The following SLC22A3 variants were observed in gnomAD, a reference collection of about 807,000 sequenced individuals.
SLC22A3 encodes solute carrier family 22 member 3, also known as EMT organic cation transporter 3.
In SLC22A3, 51 loss-of-function variants were observed where a neutral mutation model predicts 59.1. The observed-to-expected ratio is 0.86, with a 90% CI of 0.69 to 1.09. The LOEUF is 1.09. Ranked by LOEUF, SLC22A3 falls within the 50% of genes least tolerant of loss-of-function variation. SLC22A3 has a pLI of 0.00. For missense variants in SLC22A3, 711 were observed against 726.3 expected, an observed-to-expected ratio of 0.98 and a Z score of 0.24; for synonymous variants, 325 against 292.0, an observed-to-expected ratio of 1.11 and a Z score of -1.15.
intron 1 of SLC22A3, among the ~76,000 whole-genome samples, chr6:160,390,161 A>G (rs912414627): frequency 1.3e-5 from 2 of 152,360 alleles, no homozygotes; most frequent in Middle Eastern, 3.4e-3. Flanking sequence ...TCAGATGGCT[A>G]TGATCCACTT....
intron 1 of SLC22A3, among the ~76,000 whole-genome samples, chr6:160,381,623 G>C (rs886100085): frequency 4.6e-5 from 7 of 152,178 alleles, no homozygotes; most frequent in African/African-American, 1.7e-4. Flanking sequence ...GAAGTGGAAT[G>C]TAAACTCGTT....
rs1452682622 is a variant in SLC22A3, at chr6:160,398,055, C to T, written c.506C>T (p.Ala169Val). The change falls in exon 2 of 11, where the codon GCA (alanine) becomes GTA (valine). Residue 169 changes from alanine (A) to valine (V), a missense_variant. Coordinates refer to ENST00000275300, the MANE Select transcript of SLC22A3 (RefSeq NM_021977.4). ...CTGAACCTCGGCTTCCTGACTGGAG[C>T]ATTCACCTTAGGCTATGCAGCAGAC... ...AILNLGFLTGAFTLGYAADRY... is the reference protein window; with the variant it reads ...AILNLGFLTGVFTLGYAADRY... The T allele has an allele frequency of 8.1e-6, 13 of 1,613,602 alleles. No homozygotes were observed. Among genetic ancestry groups the T allele is most frequent in the Non-Finnish European group, 8.5e-7 (1 of 1,179,652 alleles).
intron 1 of SLC22A3, among the ~76,000 whole-genome samples, chr6:160,382,752 G>A (rs922428721): frequency 5.9e-5 from 9 of 152,088 alleles, no homozygotes; most frequent in Admixed American, 5.9e-4. Context: ...AGACTTCAAA[G>A]CACCTATTGT....
intron 1 of SLC22A3, among the ~76,000 whole-genome samples, chr6:160,358,636 A>G (rs748427277): frequency 9.9e-5 from 15 of 152,166 alleles, no homozygotes; most frequent in Non-Finnish European, 1.8e-4. Flanking sequence ...AGAGTGAACA[A>G]TCCCCCCATC....
intron 1 of SLC22A3, among the ~76,000 whole-genome samples, chr6:160,394,104 T>C (rs1467055606): frequency 6.6e-6 from 1 of 152,192 alleles, no homozygotes. Flanking sequence ...TTTATGAACA[T>C]TTAAAATTGC....
chr6:160,410,653 T>A (rs1583488469), intron 4 of SLC22A3, 76 bp from the exon 5 acceptor site: 1 of 895,772 alleles, frequency 1.1e-6, no homozygotes, highest in Non-Finnish European at 1.9e-6. Context: ...TCCATTTTGA[T>A]AGAAAAACTC....
chr6:160,442,589 G>GT (rs772518842), intron 7 of SLC22A3, among the ~76,000 whole-genome samples, 172 bp from the exon 8 acceptor site: 6 of 152,204 alleles, frequency 3.9e-5, no homozygotes, highest in Non-Finnish European at 5.9e-5. Context: ...CTATCATCTA[G>GT]TTTCATTGTT....
At chr6:160,410,576 A>G (rs1311018091) in intron 4 of SLC22A3, among the ~76,000 whole-genome samples, 153 bp from the exon 5 acceptor site, 1 of 152,224 alleles carries the variant, frequency 6.6e-6, no homozygotes, top group Non-Finnish European at 1.5e-5. Flanking sequence ...CCTTGCAGGA[A>G]TAATCTGTAT....
intron 1 of SLC22A3, among the ~76,000 whole-genome samples, chr6:160,387,694 CA>C (rs1046263039): frequency 2.6e-5 from 4 of 152,076 alleles, no homozygotes; most frequent in Admixed American, 2.6e-4. Flanking sequence ...TTGCCAGCCC[CA>C]TCAGGCTTTG....
At chr6:160,350,683 C>A (rs1378514859) in intron 1 of SLC22A3, among the ~76,000 whole-genome samples, 1 of 152,148 alleles carries the variant, frequency 6.6e-6, no homozygotes, top group African/African-American at 2.4e-5. Flanking sequence ...GAGTATGATC[C>A]ATGGACATCA....
intron 1 of SLC22A3, among the ~76,000 whole-genome samples, chr6:160,367,428 A>C (rs1785244466): frequency 6.6e-6 from 1 of 152,120 alleles, no homozygotes; most frequent in African/African-American, 2.4e-5. Flanking sequence ...ACACAGCAAA[A>C]CCATATCACG....
chr6:160,354,637 C>T (rs1211184992), intron 1 of SLC22A3, among the ~76,000 whole-genome samples: 2 of 152,140 alleles, frequency 1.3e-5, no homozygotes, highest in Non-Finnish European at 2.9e-5. Flanking sequence ...TCCAACTATA[C>T]AAAAATATTT....
At chr6:160,360,771 G>A (rs390102) in intron 1 of SLC22A3, among the ~76,000 whole-genome samples, 27,926 of 151,722 alleles carry the variant, frequency 0.18, 2,831 homozygotes, top group Non-Finnish European at 0.23. Flanking sequence ...ACTCCCCCCC[G>A]CCCCAACCAA....
intron 3 of SLC22A3, 57 bp downstream of exon 3, chr6:160,407,252 A>G (rs1382163284): frequency 9.3e-6 from 14 of 1,513,064 alleles, no homozygotes; most frequent in Non-Finnish European, 1.2e-5. Context: ...ATAGCCAACA[A>G]ATGCTAGTTA....
rs760874011 is a variant in SLC22A3, at chr6:160,400,084, A to ATTTTTT, written c.533+2023_533+2028dup. On this transcript the variant is annotated intron_variant, in intron 2 of 10. Coordinates refer to ENST00000275300, the MANE Select transcript of SLC22A3 (RefSeq NM_021977.4). ...TCAAAGGAGGGCCCAAGCTTTTGTG[A>ATTTTTT]TTTTTTTTTTTTTTTTTTTTTTTTT... Among the ~76,000 whole-genome samples, 68 of 95,436 alleles carry ATTTTTT rather than the reference A, an allele frequency of 7.1e-4. 1 individual carries two copies. Among genetic ancestry groups the ATTTTTT allele is most frequent in the African/African-American group, 2.6e-3 (64 of 24,496 alleles). 62.6% of individuals were successfully genotyped at this position (95,436 alleles called of 152,430 possible).
intron 1 of SLC22A3, among the ~76,000 whole-genome samples, chr6:160,379,378 A>C (rs894323470): frequency 1.3e-5 from 2 of 152,124 alleles, no homozygotes; most frequent in Non-Finnish European, 2.9e-5. Context: ...TTTGAGGAAA[A>C]TTTCTAGTAG....
intron 5 of SLC22A3, chr6:160,426,058 C>G (rs941827457): frequency 6.1e-6 from 6 of 985,270 alleles, no homozygotes; most frequent in Non-Finnish European, 6.0e-6. Context: ...AAATATTCTG[C>G]AAATCAAGAA....
chr6:160,403,443 G>T (rs972879990), intron 2 of SLC22A3, among the ~76,000 whole-genome samples: 3 of 151,854 alleles, frequency 2.0e-5, no homozygotes, highest in Admixed American at 6.6e-5. Context: ...GCCCAGATGG[G>T]TTCACAGGTG....
At chr6:160,426,147 T>A (rs1186070456) in intron 5 of SLC22A3, 3 of 985,326 alleles carry the variant, frequency 3.0e-6, no homozygotes, top group African/African-American at 3.5e-5. Flanking sequence ...TCTAAACTGA[T>A]CTTCAAACTC....
Sources: allele counts gnomAD v4.1 joint callset (sites outside exome capture counted in the v4.1 genomes callset), GRCh38; gene constraint gnomAD v4.1.1; transcripts MANE v1.5; gene names NCBI Gene and HGNC (gene_info 2026-07-23, HGNC 2026-07-21).